RTKN: variants seen among roughly 807,000 people sequenced by gnomAD.
The protein encoded by RTKN is rhotekin.
A neutral mutation model predicts 63.5 loss-of-function variants in RTKN; 49 were observed. That is an observed-to-expected ratio of 0.77 (90% confidence interval 0.61 to 0.98). The LOEUF (loss-of-function observed/expected upper bound fraction) is 0.98. Among genes scored for constraint, RTKN ranks in the 50% least tolerant of loss-of-function variants. RTKN has a pLI of 0.00. For missense variants in RTKN, 685 were observed against 740.8 expected, an observed-to-expected ratio of 0.92 and a Z score of 0.87; for synonymous variants, 295 against 290.4, an observed-to-expected ratio of 1.02 and a Z score of -0.16.
intron 2 of RTKN, chr2:74,432,061 T>A (rs1472718897): frequency 1.2e-5 from 4 of 325,928 alleles, no homozygotes; most frequent in Non-Finnish European, 2.4e-5. Context: ...TCCCTGCCTC[T>A]GAAGGTGAAC....
At chr2:74,429,463 G>C (rs186172658) in intron 6 of RTKN, among the ~76,000 whole-genome samples, 1 of 152,130 alleles carries the variant, frequency 6.6e-6, no homozygotes, top group Non-Finnish European at 1.5e-5. Flanking sequence ...TGTGGCTCAC[G>C]CCTGTAATCC....
Position 74,436,884 on chromosome 2 carries a change from C to T in RTKN, c.112-4218G>A, listed in dbSNP as rs987987865. On this transcript the variant is annotated intron_variant, in intron 1 of 11. Transcript: ENST00000272430. The surrounding 1 kb of genome is among the most constrained non-coding windows in gnomAD (Gnocchi z 4.3). ...GGATAGTTCCTTGTTGCCCCCTCCC[C>T]ACCCAAACACACCCTCTCCCCAAGC... Among the ~76,000 whole-genome samples, 3 of 152,210 alleles carry T rather than the reference C, an allele frequency of 2.0e-5. No homozygotes were observed. Among genetic ancestry groups the T allele is most frequent in the Admixed American group, 1.3e-4 (2 of 15,288 alleles).
chr2:74,436,563 C>T lies in RTKN; in HGVS notation c.112-3897G>A, dbSNP rs1053638144. On this transcript the variant is annotated intron_variant, in intron 1 of 11. Coordinates refer to ENST00000272430, the MANE Select transcript of RTKN (RefSeq NM_001015055.2). The surrounding 1 kb of genome is among the most constrained non-coding windows in gnomAD (Gnocchi z 4.3). ...GTGCTCCAGCTCCGGGAGGCCCCTC[C>T]CGCGTAGCGTTTGCCCTCCAAGGTG... Among the ~76,000 whole-genome samples, 1 of 152,166 alleles carries T rather than the reference C, an allele frequency of 6.6e-6. No individual in the cohort carries two copies. Among genetic ancestry groups the T allele is most frequent in the African/African-American group, 2.4e-5 (1 of 41,428 alleles).
At chr2:74,440,530 C>T (rs1028044483) in intron 1 of RTKN, 66 of 986,050 alleles carry the variant, frequency 6.7e-5, no homozygotes, top group Non-Finnish European at 7.2e-5. Flanking sequence ...AGTCACACTT[C>T]ACTCGGCGGC....
At chr2:74,427,937 T>C (rs1394775069) in intron 9 of RTKN, 1 of 481,148 alleles carries the variant, frequency 2.1e-6, no homozygotes, top group East Asian at 3.6e-5. Flanking sequence ...AGAAGGGCAA[T>C]TGGACCTGGA....
At chr2:74,440,187 A>T in intron 1 of RTKN, 1 of 405,830 alleles carries the variant, frequency 2.5e-6, no homozygotes, top group Non-Finnish European at 3.4e-6. Context: ...GTTCCAGCTT[A>T]GTTTGAGAAA....
rs1446307367 is a variant in RTKN at position 74,434,847 on chromosome 2, G to A, written c.112-2181C>T. ...TGCAGAATAAGAATCTCTAGGAGTG[G>A]GGCATATGTACTTTTGGAAAACTCC... On this transcript the variant is annotated intron_variant, in intron 1 of 11. Coordinates refer to ENST00000272430, the MANE Select transcript of RTKN (RefSeq NM_001015055.2). 2.6e-5 allele frequency among the ~76,000 whole-genome samples: 4 copies of A among 152,160 alleles called. No homozygotes were observed. In the East Asian group the frequency reaches 7.7e-4, roughly 29 times the overall value.
Position 74,441,918 on chromosome 2 carries a change from G to C in RTKN, c.-102C>G. On this transcript the variant is annotated 5_prime_UTR_variant, in exon 1 of 12. Transcript: ENST00000272430. ...TCTCTCGACGCTCGTCCGCCAGTCC[G>C]GCCGGGAATCTCCCGCTGCGGGGCT... 1 of 718,996 alleles carries C rather than the reference G, an allele frequency of 1.4e-6. No homozygotes were observed. The highest frequency in any genetic ancestry group is 2.3e-6 in the Non-Finnish European group (1 of 428,920). 44.5% of individuals were successfully genotyped at this position (718,996 alleles called of 1,614,324 possible). A position where few individuals can be genotyped will look rare whatever the true frequency, so the allele number is the denominator to read the frequency against.
chr2:74,429,892 C>A lies in RTKN; in HGVS notation c.691G>T (p.Ala231Ser), dbSNP rs750499905. The A allele has an allele frequency of 6.2e-7, 1 of 1,614,228 alleles. No individual in the cohort carries two copies. The highest frequency in any genetic ancestry group is 1.7e-5 in the Admixed American group (1 of 60,030). ...GAACCCCCAGCACTGTCCAGCGATG[C>A]CCGGACACGCCTCCCTGAGGAGCGG... is the stretch of plus-strand genomic sequence containing the variant. Reference protein sequence around the residue: ...LGRSSGRRVRASLDSAGGSGS... With the variant: ...LGRSSGRRVRSSLDSAGGSGS... Residue 231 changes from alanine (A) to serine (S), a missense_variant, in exon 6 of 12, where the codon GCA (alanine) becomes TCA (serine). Coordinates refer to ENST00000272430, the MANE Select transcript of RTKN (RefSeq NM_001015055.2).
intron 1 of RTKN, among the ~76,000 whole-genome samples, chr2:74,438,135 T>C (rs1264316894): frequency 6.6e-6 from 1 of 152,144 alleles, no homozygotes; most frequent in Non-Finnish European, 1.5e-5. Flanking sequence ...CTCTGACCTC[T>C]CAGCAGCAGC....
rs1263307940 is a variant in RTKN, at chr2:74,429,951, T to C, written c.632A>G (p.Lys211Arg). ...EEEGALTGGP[K>R]RLATKLSSSL... The stretch of plus-strand genomic sequence containing the variant: ...GCTGCTGAGTTTGGTGGCAAGCCTC[T>C]TGGGGCCGCCAGTCAGGGCCCCCTC... The change falls in exon 6 of 12, where the codon AAG (lysine) becomes AGG (arginine). Residue 211 changes from lysine (K) to arginine (R), a missense_variant. By Grantham distance (26) the Lys-to-Arg change is conservative (BLOSUM62 2). Transcript: ENST00000272430. 2.5e-6 allele frequency: 4 copies of C among 1,614,226 alleles called. No individual in the cohort carries two copies. Among genetic ancestry groups the C allele is most frequent in the East Asian group, 4.5e-5 (2 of 44,892 alleles).
chr2:74,441,763 C>T lies in RTKN; in HGVS notation c.54G>A (p.Leu18=). 1 of 1,612,228 alleles carries T rather than the reference C, an allele frequency of 6.2e-7. No individual in the cohort carries two copies. Residue 18 remains leucine (L), a synonymous_variant, in exon 1 of 12, where the codon CTG becomes CTA. Transcript: ENST00000272430. The part of the protein sequence containing the change: ...SRVTVARGSA[L]EMEFKRGRFR... ...AGCGGCCGCGTTTGAACTCCATCTC[C>T]AGGGCGGAGCCCCTGGCCACGGTGA... is the stretch of plus-strand genomic sequence containing the variant.
rs535010896 is a variant in RTKN at position 74,428,197 on chromosome 2, C to T, written c.1086+71G>A. On this transcript the variant is annotated intron_variant, in intron 9 of 11. Transcript: ENST00000272430. ...CTATCTCTCTGAGGTATGTGCCCAC[C>T]CTCCTGGGGCCTGAAGGAGAGGCTC... 7 of 1,606,108 alleles carry T rather than the reference C, an allele frequency of 4.4e-6. No homozygotes were observed. In the South Asian group the frequency reaches 4.4e-5, roughly 10 times the overall value.
chr2:74,439,606 T>C, intron 1 of RTKN: 1 of 1,613,976 alleles, frequency 6.2e-7, no homozygotes, highest in South Asian at 1.1e-5. Context: ...CTCCAGGATG[T>C]GCAATCTGTC....
Position 74,427,749 on chromosome 2 carries a change from A to G in RTKN, c.1087-157T>C, listed in dbSNP as rs575484432. The G allele has an allele frequency of 1.4e-4, 101 of 726,904 alleles. No individual in the cohort carries two copies. The East Asian group carries it at 2.7e-3, about 19-fold the overall frequency. The allele number at this position is 726,904 out of a possible 1,614,324, so 45.0% of individuals were successfully genotyped here. ...ACCAGAGTAGGAAGGAATGGCAAAA[A>G]AGGGCTGGGGATGAGACAGCCAGTC... On this transcript the variant is annotated intron_variant, in intron 9 of 11. Transcript: ENST00000272430.
intron 1 of RTKN, chr2:74,440,146 G>T: frequency 2.3e-6 from 1 of 429,702 alleles, no homozygotes; most frequent in Non-Finnish European, 3.2e-6. Context: ...GAGTCATGGG[G>T]TTTGCAGGAG....
intron 1 of RTKN, chr2:74,439,744 C>A (rs775272449): frequency 6.5e-7 from 1 of 1,528,840 alleles, no homozygotes; most frequent in South Asian, 1.2e-5. Flanking sequence ...GTGGCCAGCT[C>A]TTGGGCAGAG....
intron 1 of RTKN, among the ~76,000 whole-genome samples, chr2:74,439,263 C>T (rs1417335938): frequency 1.3e-5 from 2 of 152,228 alleles, no homozygotes; most frequent in African/African-American, 2.4e-5. Context: ...CTCTCTTCTT[C>T]CCATGCCTAA....
chr2:74,440,249 G>T, intron 1 of RTKN: 1 of 638,688 alleles, frequency 1.6e-6, no homozygotes, highest in Non-Finnish European at 2.0e-6. Flanking sequence ...GTGAGCCCAG[G>T]GAATGGGACA....
Sources: gnomAD v4.1 joint callset for allele counts (sites outside exome capture counted in the v4.1 genomes callset) on GRCh38, gnomAD v4.1.1 for gene constraint, Gnocchi (gnomAD v3.1) non-coding constraint, MANE v1.5 for transcripts, NCBI Gene and HGNC (gene_info 2026-07-23, HGNC 2026-07-21) for gene names.